Variants in FKBP14 observed in about 807,000 individuals in gnomAD.
FKBP14 encodes FKBP prolyl isomerase 14.
A neutral mutation model predicts 21.6 loss-of-function variants in FKBP14; 20 were observed. The observed-to-expected ratio is 0.92, with a 90% CI of 0.65 to 1.34. The LOEUF (loss-of-function observed/expected upper bound fraction) is 1.34, where lower values mean the gene tolerates loss of function less well. FKBP14 is among the 40% of genes most tolerant of loss of function. The probability of loss-of-function intolerance (pLI) is 0.00; values close to 1 mark genes in which losing one functional copy is unlikely to be tolerated. For missense variants in FKBP14, 253 were observed against 249.0 expected, an observed-to-expected ratio of 1.02 and a Z score of -0.11; for synonymous variants, 79 against 86.7, an observed-to-expected ratio of 0.91 and a Z score of 0.49.
At chr7:30,016,404 T>C (rs1396923788) in intron 3 of FKBP14, among the ~76,000 whole-genome samples, 3 of 151,938 alleles carry the variant, frequency 2.0e-5, no homozygotes, top group Non-Finnish European at 4.4e-5. Context: ...TGTTTTTCTT[T>C]TTTTTTTGAA....
intron 3 of FKBP14, among the ~76,000 whole-genome samples, chr7:30,016,958 T>C (rs1234360212): frequency 1.3e-5 from 2 of 152,140 alleles, no homozygotes; most frequent in African/African-American, 2.4e-5. Flanking sequence ...CATTAAACTC[T>C]ATGGATTAAT....
rs1344551134 is a variant in FKBP14 at position 30,014,576 on chromosome 7, T to C, written c.*159A>G. On this transcript the variant is annotated 3_prime_UTR_variant, in exon 4 of 4. Coordinates refer to ENST00000222803, the MANE Select transcript of FKBP14 (RefSeq NM_017946.4). Reference sequence around the variant, plus strand: ...CAATAACTTATCAGAAAGAAATGGGTACTTAGAAACCTAAGGGGTTCTTTA... The same window carrying C: ...CAATAACTTATCAGAAAGAAATGGGCACTTAGAAACCTAAGGGGTTCTTTA... 1 of 422,936 alleles carries C rather than the reference T, an allele frequency of 2.4e-6. No individual in the cohort carries two copies. The highest frequency in any genetic ancestry group is 2.0e-5 in the African/African-American group (1 of 49,074). 26.2% of individuals were successfully genotyped at this position (422,936 alleles called of 1,614,324 possible).
In FKBP14 at chr7:30,017,438, G is replaced by A. The variant is rs953503852; in HGVS notation, c.477+1558C>T. ...ACGACAATTAGCTGGGTATGGTGGCGTGCACCTGTAGTCCCAGCTACCTGG... is the reference window on the plus strand; with the variant it reads ...ACGACAATTAGCTGGGTATGGTGGCATGCACCTGTAGTCCCAGCTACCTGG... On this transcript the variant is annotated intron_variant, in intron 3 of 3. Coordinates refer to ENST00000222803, the MANE Select transcript of FKBP14 (RefSeq NM_017946.4). 2.6e-5 allele frequency among the ~76,000 whole-genome samples: 4 copies of A among 151,924 alleles called. No individual in the cohort carries two copies. In the South Asian group the frequency reaches 6.2e-4, roughly 24 times the overall value.
chr7:30,015,422 A>C (rs941494434), intron 3 of FKBP14, among the ~76,000 whole-genome samples: 1 of 150,690 alleles, frequency 6.6e-6, no homozygotes, highest in Non-Finnish European at 1.5e-5. Flanking sequence ...TGTCAAAAAA[A>C]TAAAAAATTA....
intron 3 of FKBP14, among the ~76,000 whole-genome samples, chr7:30,016,457 G>C (rs376306943): frequency 3.6e-4 from 54 of 151,714 alleles, no homozygotes; most frequent in African/African-American, 1.3e-3. Flanking sequence ...ATAGTGGCAC[G>C]ATCTCGGCCC....
chr7:30,009,955 C>T (rs1410564274), downstream of FKBP14, among the ~76,000 whole-genome samples: 1 of 151,976 alleles, frequency 6.6e-6, no homozygotes, highest in African/African-American at 2.4e-5. Flanking sequence ...ACCAAGATCG[C>T]GCCACTGGAC....
At chr7:30,024,647 C>T (rs1163553450) in intron 1 of FKBP14, among the ~76,000 whole-genome samples, 6 of 152,312 alleles carry the variant, frequency 3.9e-5, no homozygotes, top group South Asian at 2.1e-4. Flanking sequence ...CTGCCTGCCT[C>T]GGCCTCCCAA....
At chr7:30,007,995 G>GCTGAGATTGTGCCACTGCACTCTAGC, downstream of FKBP14, among the ~76,000 whole-genome samples, 1 of 152,318 alleles carries the variant, frequency 6.6e-6, no homozygotes, top group Admixed American at 6.5e-5. Flanking sequence ...GTTGCAGTGA[G>GCTGAGATTGTGCCACTGCACTCTAGC]CTGAGATTGT....
At chr7:30,024,669 T>G (rs1790126415) in intron 1 of FKBP14, among the ~76,000 whole-genome samples, 1 of 152,190 alleles carries the variant, frequency 6.6e-6, no homozygotes, top group South Asian at 2.1e-4. Flanking sequence ...GTGCTGGGAT[T>G]ACAGGCGTGA....
Position 30,026,441 on chromosome 7 carries a change from G to A in FKBP14, c.68C>T (p.Pro23Leu). Reference sequence around the variant, plus strand: ...AACTTCAATTTTCACTTCTGGTTCAGGGATCAAAGCCCCAATCAAAGAAGT... The same window carrying A: ...AACTTCAATTTTCACTTCTGGTTCAAGGATCAAAGCCCCAATCAAAGAAGT... ...FVTSLIGALI[P>L]EPEVKIEVLQ... The change falls in exon 1 of 4, where the codon CCT (proline) becomes CTT (leucine). Residue 23 changes from proline to leucine, a missense_variant. Coordinates refer to ENST00000222803, the MANE Select transcript of FKBP14 (RefSeq NM_017946.4). The A allele has an allele frequency of 6.2e-7, 1 of 1,614,168 alleles. No homozygotes were observed. The highest frequency in any genetic ancestry group is 8.5e-7 in the Non-Finnish European group (1 of 1,180,010).
rs763069544 is a variant in FKBP14, at chr7:30,019,128, C to T, written c.350-5G>A. 2.2e-5 allele frequency: 34 copies of T among 1,561,434 alleles called. No individual in the cohort carries two copies. Among genetic ancestry groups the T allele is most frequent in the African/African-American group, 1.8e-4 (13 of 70,618 alleles). On this transcript the variant is annotated splice_polypyrimidine_tract_variant and splice_region_variant and intron_variant, in intron 2 of 3. Coordinates refer to ENST00000222803, the MANE Select transcript of FKBP14 (RefSeq NM_017946.4). The stretch of plus-strand genomic sequence containing the variant: ...TACTTTCTGGGGGAATTTTACCTGA[C>T]GTGAGGAAAGAAGGCAGAAAGTTTT...
intron 3 of FKBP14, 47 bp downstream of exon 3, chr7:30,018,949 A>G: frequency 6.3e-7 from 1 of 1,588,594 alleles, no homozygotes; most frequent in Non-Finnish European, 8.5e-7. Context: ...AAAACCCCAA[A>G]CAACCAAAGA....
chr7:30,017,224 G>T (rs912454396), intron 3 of FKBP14, among the ~76,000 whole-genome samples: 5 of 151,898 alleles, frequency 3.3e-5, no homozygotes, highest in Admixed American at 6.6e-5. Context: ...AAAACTGGAT[G>T]TGGGGATAAT....
intron 2 of FKBP14, chr7:30,020,284 A>G (rs969049483): frequency 3.9e-6 from 5 of 1,282,506 alleles, no homozygotes; most frequent in African/African-American, 3.1e-5. Flanking sequence ...CAAAAGAGGC[A>G]TGCAAGCATG....
At position 30,019,070 on chromosome 7, in the gene FKBP14, G is replaced by A. The variant is rs1422258273; in HGVS notation, c.403C>T (p.Arg135Ter). 5 of 1,594,132 alleles carry A rather than the reference G, an allele frequency of 3.1e-6. No homozygotes were observed. The highest frequency in any genetic ancestry group is 2.7e-5 in the African/African-American group (2 of 73,376). Residue 135 changes from arginine to a stop codon, truncating the protein, a stop_gained, in exon 3 of 4, where the codon CGA (arginine) becomes TGA (stop). Transcript: ENST00000222803. LOFTEE classifies it high-confidence loss of function. ...GATTCATGGGATCTTGGTCCATTTC[G>A]AATCTCCAGGAGATCAATATTAAAT... The part of the protein sequence containing the change: ...LIFNIDLLEI[R>*]NGPRSHESFQ...
chr7:30,014,685 A>T lies in FKBP14; in HGVS notation c.*50T>A. ...AAAAATAAAATGTTCTTTAAAGATGACTGCCCTCTCTTGAAAGATGAGTGC... is the reference window on the plus strand; with the variant it reads ...AAAAATAAAATGTTCTTTAAAGATGTCTGCCCTCTCTTGAAAGATGAGTGC... On this transcript the variant is annotated 3_prime_UTR_variant, in exon 4 of 4. Transcript: ENST00000222803. The T allele has an allele frequency of 8.6e-7, 1 of 1,166,782 alleles. No individual in the cohort carries two copies. The highest frequency in any genetic ancestry group is 1.1e-6 in the Non-Finnish European group (1 of 879,300). The allele number at this position is 1,166,782 out of a possible 1,614,324, so 72.3% of individuals were successfully genotyped here.
rs1248958936 is a variant in FKBP14, at chr7:30,010,993, A to T, written c.*3742T>A. 2 of 152,120 alleles carry T rather than the reference A, an allele frequency of 1.3e-5. No homozygotes were observed. Among genetic ancestry groups the T allele is most frequent in the African/African-American group, 4.8e-5 (2 of 41,422 alleles). The allele number at this position is 152,120 out of a possible 1,614,324, so 9.4% of individuals were successfully genotyped here. On this transcript the variant is annotated 3_prime_UTR_variant, in exon 4 of 4. Coordinates refer to ENST00000222803, the MANE Select transcript of FKBP14 (RefSeq NM_017946.4). ...TTTAAATAAGTTTCTAAACTAGAAA[A>T]TTTACAGTAAGCTAAGGTTAGTTTT...
chr7:30,006,580 A>G (rs1425744767), downstream of FKBP14, among the ~76,000 whole-genome samples: 1 of 152,172 alleles, frequency 6.6e-6, no homozygotes, highest in Non-Finnish European at 1.5e-5. Flanking sequence ...ATGTTCACAA[A>G]AATGTATTTA....
Position 30,017,287 on chromosome 7 carries a change from T to C in FKBP14, c.477+1709A>G, listed in dbSNP as rs546645476. Among the ~76,000 whole-genome samples the C allele has an allele frequency of 2.5e-3, 386 of 152,002 alleles. 1 individual carries two copies. Among genetic ancestry groups the C allele is most frequent in the African/African-American group, 9.1e-3 (376 of 41,506 alleles). Reference sequence around the variant, plus strand: ...AAGACTTTTAAAAATATGTAAATAATAGGCCGGATGCGGTAGCTCACACCT... The same window carrying C: ...AAGACTTTTAAAAATATGTAAATAACAGGCCGGATGCGGTAGCTCACACCT... On this transcript the variant is annotated intron_variant, in intron 3 of 3. Coordinates refer to ENST00000222803, the MANE Select transcript of FKBP14 (RefSeq NM_017946.4).
Sources: gnomAD v4.1 joint callset for allele counts (sites outside exome capture counted in the v4.1 genomes callset) on GRCh38, gnomAD v4.1.1 for gene constraint, MANE v1.5 for transcripts, NCBI Gene and HGNC (gene_info 2026-07-23, HGNC 2026-07-21) for gene names.